MCF2L2: variants seen among roughly 807,000 people sequenced by gnomAD.
MCF2L2 encodes MCF.2 cell line derived transforming sequence-like 2.
MCF2L2 carries 102 observed loss-of-function variants against 150.2 expected under a neutral mutation model. The observed-to-expected ratio is 0.68, with a 90% CI of 0.58 to 0.80. The LOEUF (loss-of-function observed/expected upper bound fraction) is 0.80, where lower values mean the gene tolerates loss of function less well. Among genes scored for constraint, MCF2L2 ranks in the 30% least tolerant of loss-of-function variants. The pLI is 0.00. For missense variants in MCF2L2, 1,256 were observed against 1,372.8 expected (o/e 0.91, Z 1.34); for synonymous variants, 465 against 491.3 (o/e 0.95, Z 0.71).
chr3:183,326,594 T>C (rs769408045), intron 5 of MCF2L2, among the ~76,000 whole-genome samples: 1 of 151,916 alleles, frequency 6.6e-6, no homozygotes, highest in Non-Finnish European at 1.5e-5. Flanking sequence ...AATTATAGTT[T>C]CATAGGAAGT....
chr3:183,256,247 C>T (rs1332063745), intron 15 of MCF2L2, among the ~76,000 whole-genome samples: 2 of 152,130 alleles, frequency 1.3e-5, no homozygotes, highest in African/African-American at 4.8e-5. Context: ...GAAACTGAGG[C>T]ACAGTAAATT....
chr3:183,309,686 C>T lies in MCF2L2; in HGVS notation c.1113+30G>A, dbSNP rs768131465. 4.3e-6 allele frequency: 7 copies of T among 1,613,936 alleles called. No individual in the cohort carries two copies. The East Asian group carries it at 6.7e-5, about 15-fold the overall frequency. Reference sequence around the variant, plus strand: ...CATCATTGTCCACAGCAACCTCCCTCCCAGTACACAAAAATGTCAGAAAGC... The same window carrying T: ...CATCATTGTCCACAGCAACCTCCCTTCCAGTACACAAAAATGTCAGAAAGC... On this transcript the variant is annotated intron_variant, in intron 10 of 29. Coordinates refer to ENST00000328913, the MANE Select transcript of MCF2L2 (RefSeq NM_015078.4).
chr3:183,282,609 G>A (rs1203186295), intron 14 of MCF2L2, among the ~76,000 whole-genome samples: 1 of 152,150 alleles, frequency 6.6e-6, no homozygotes, highest in Admixed American at 6.6e-5. Flanking sequence ...GGCAGTAAGT[G>A]TGCCAAGGAC....
At chr3:183,200,955 AG>A (rs573507146) in intron 25 of MCF2L2, among the ~76,000 whole-genome samples, 302 of 152,174 alleles carry the variant, frequency 2.0e-3, no homozygotes, top group Non-Finnish European at 3.6e-3. Context: ...ATTATTTCTG[AG>A]GGCTCTGTTC....
intron 8 of MCF2L2, among the ~76,000 whole-genome samples, 163 bp from the exon 9 acceptor site, chr3:183,311,192 G>A (rs1310179991): frequency 6.6e-6 from 1 of 152,180 alleles, no homozygotes. Flanking sequence ...TTCTGGCTCA[G>A]CAGGCTTTGC....
At chr3:183,203,892 A>G (rs1374267505) in intron 25 of MCF2L2, among the ~76,000 whole-genome samples, 1 of 152,246 alleles carries the variant, frequency 6.6e-6, no homozygotes, top group Non-Finnish European at 1.5e-5. Context: ...TCTATCAGAA[A>G]TCACAGAGTT....
intron 14 of MCF2L2, 99 bp downstream of exon 14, chr3:183,289,021 A>G: frequency 1.2e-6 from 1 of 800,118 alleles, no homozygotes; most frequent in Non-Finnish European, 2.1e-6. Context: ...TGCCTTAGGT[A>G]CAGATTAAGG....
chr3:183,303,532 G>A (rs1266243308), intron 10 of MCF2L2, among the ~76,000 whole-genome samples: 2 of 152,130 alleles, frequency 1.3e-5, no homozygotes, highest in African/African-American at 4.8e-5. Flanking sequence ...CTCTTAACTT[G>A]CACTGGTTTA....
intron 1 of MCF2L2, among the ~76,000 whole-genome samples, chr3:183,424,404 A>G (rs1201267624): frequency 6.6e-6 from 1 of 152,228 alleles, no homozygotes. Flanking sequence ...AGTTATCTAC[A>G]AATATTTTAT....
At chr3:183,350,121 T>A (rs149275735) in intron 3 of MCF2L2, among the ~76,000 whole-genome samples, 20 of 152,264 alleles carry the variant, frequency 1.3e-4, no homozygotes, top group African/African-American at 4.3e-4. Context: ...AACCAGAGCA[T>A]CTGGGTAAAT....
intron 25 of MCF2L2, among the ~76,000 whole-genome samples, chr3:183,201,402 T>C (rs1204640144): frequency 6.6e-6 from 1 of 152,114 alleles, no homozygotes; most frequent in Non-Finnish European, 1.5e-5. Context: ...TGAATGGGAG[T>C]TCACTCATGA....
chr3:183,306,461 A>G (rs750142706), intron 10 of MCF2L2, among the ~76,000 whole-genome samples: 1 of 152,228 alleles, frequency 6.6e-6, no homozygotes, highest in South Asian at 2.1e-4. Flanking sequence ...GCAATCAGAA[A>G]TCTTTATTGA....
At chr3:183,391,189 G>C (rs181767563) in intron 1 of MCF2L2, among the ~76,000 whole-genome samples, 67 of 152,114 alleles carry the variant, frequency 4.4e-4, no homozygotes, top group Admixed American at 1.6e-3. Context: ...TATATAGAGG[G>C]TGCTGAGCAA....
chr3:183,338,897 T>C lies in MCF2L2; in HGVS notation c.389A>G (p.Gln130Arg). 1 of 1,601,428 alleles carries C rather than the reference T, an allele frequency of 6.2e-7. No homozygotes were observed. Among genetic ancestry groups the C allele is most frequent in the African/African-American group, 1.3e-5 (1 of 74,922 alleles). The change falls in exon 5 of 30, where the codon CAG becomes CGG. Residue 130 changes from glutamine (Q) to arginine (R), a missense_variant. Gln to Arg is a conservative substitution (Grantham distance 43). Transcript: ENST00000328913. ...RIAVAFPGNL[Q>R]LIFILRPSRF... Reference sequence around the variant, plus strand: ...AGATGGACGAAGGATGAATATGAGCTGTAAGTTTCCTGGAAATGCCACCTG... The same window carrying C: ...AGATGGACGAAGGATGAATATGAGCCGTAAGTTTCCTGGAAATGCCACCTG...
At chr3:183,351,234 A>ATATATATT (rs1553786140) in intron 3 of MCF2L2, among the ~76,000 whole-genome samples, 29 of 60,406 alleles carry the variant, frequency 4.8e-4, no homozygotes, top group East Asian at 5.9e-4. Context: ...ATATATATAT[A>ATATATATT]TATTTATTTA....
intron 27 of MCF2L2, among the ~76,000 whole-genome samples, chr3:183,182,974 G>A (rs1721583341): frequency 6.6e-6 from 1 of 152,070 alleles, no homozygotes; most frequent in Non-Finnish European, 1.5e-5. Flanking sequence ...CCTCACCCAG[G>A]CCTTCCAGTC....
chr3:183,282,228 T>G (rs1159785258), intron 14 of MCF2L2, among the ~76,000 whole-genome samples: 3 of 151,818 alleles, frequency 2.0e-5, no homozygotes, highest in Admixed American at 6.6e-5. Context: ...GCCCAGGCTG[T>G]GGTACAGTGG....
chr3:183,329,790 A>G lies in MCF2L2; in HGVS notation c.487-6439T>C, dbSNP rs571957499. ...CTATTCAGTCATAAAGTGCATTTACACAAACCTAGATGGGACAGCCTGCTA... is the reference window on the plus strand; with the variant it reads ...CTATTCAGTCATAAAGTGCATTTACGCAAACCTAGATGGGACAGCCTGCTA... On this transcript the variant is annotated intron_variant, in intron 5 of 29. Coordinates refer to ENST00000328913, the MANE Select transcript of MCF2L2 (RefSeq NM_015078.4). Among the ~76,000 whole-genome samples, 12 of 152,380 alleles carry G rather than the reference A, an allele frequency of 7.9e-5. No individual in the cohort carries two copies. The South Asian group carries it at 2.5e-3, about 32-fold the overall frequency.
intron 14 of MCF2L2, among the ~76,000 whole-genome samples, chr3:183,286,089 C>T (rs1727777342): frequency 6.6e-6 from 1 of 152,166 alleles, no homozygotes; most frequent in Non-Finnish European, 1.5e-5. Flanking sequence ...TCTCAGCTGC[C>T]CTGTCAAGTT....
Sources: gnomAD v4.1 joint callset for allele counts (sites outside exome capture counted in the v4.1 genomes callset) on GRCh38, gnomAD v4.1.1 for gene constraint, MANE v1.5 for transcripts, NCBI Gene and HGNC (gene_info 2026-07-23, HGNC 2026-07-21) for gene names.